KATNIP: variants seen among roughly 807,000 people sequenced by gnomAD.
KATNIP encodes the protein katanin interacting protein.
A neutral mutation model predicts 174.0 loss-of-function variants in KATNIP; 126 were observed. The observed-to-expected ratio is 0.72, with a 90% CI of 0.63 to 0.84. KATNIP has a LOEUF of 0.84. Ranked by LOEUF, KATNIP falls within the 40% of genes least tolerant of loss-of-function variation. The probability of loss-of-function intolerance (pLI) is 0.00; values close to 1 mark genes in which losing one functional copy is unlikely to be tolerated. For synonymous variants in KATNIP, 810 were observed against 835.7 expected, an observed-to-expected ratio of 0.97 and a Z score of 0.53; for missense variants, 1,958 against 2,109.7, an observed-to-expected ratio of 0.93 and a Z score of 1.41.
chr16:27,736,222 C>T (rs1456936381), intron 14 of KATNIP, among the ~76,000 whole-genome samples: 1 of 152,076 alleles, frequency 6.6e-6, no homozygotes, highest in African/African-American at 2.4e-5. Flanking sequence ...AGACTGGTCT[C>T]GAACTCCTGA....
chr16:27,683,881 C>G (rs1348654844), intron 8 of KATNIP, among the ~76,000 whole-genome samples: 1 of 152,108 alleles, frequency 6.6e-6, no homozygotes, highest in African/African-American at 2.4e-5. Context: ...TCTTCACTAT[C>G]TGAACCAATC....
chr16:27,604,858 G>A (rs1227187817), intron 2 of KATNIP, among the ~76,000 whole-genome samples: 1 of 152,154 alleles, frequency 6.6e-6, no homozygotes, highest in Non-Finnish European at 1.5e-5. Flanking sequence ...CTTCTGGCAA[G>A]CAATAATTAT....
chr16:27,622,033 C>T (rs772010968), intron 3 of KATNIP, among the ~76,000 whole-genome samples: 14 of 152,088 alleles, frequency 9.2e-5, no homozygotes, highest in Non-Finnish European at 1.8e-4. Context: ...GTCTACTGGC[C>T]GTTCCTTGGC....
intron 6 of KATNIP, among the ~76,000 whole-genome samples, chr16:27,665,802 T>C (rs1327264498): frequency 3.3e-5 from 5 of 151,996 alleles, no homozygotes; most frequent in African/African-American, 4.8e-5. Flanking sequence ...GGTTTCACCA[T>C]GTTGGCCGGG....
intron 2 of KATNIP, among the ~76,000 whole-genome samples, chr16:27,587,893 C>G (rs1225797497): frequency 6.7e-6 from 1 of 149,638 alleles, no homozygotes; most frequent in East Asian, 2.0e-4. Context: ...TTTCCCTTTT[C>G]CCTTTCCTTT....
intron 1 of KATNIP, among the ~76,000 whole-genome samples, chr16:27,573,638 G>C (rs2090382458): frequency 6.6e-6 from 1 of 152,196 alleles, no homozygotes; most frequent in Admixed American, 6.5e-5. Flanking sequence ...CCCTTTCAGA[G>C]TACAGATAAT....
chr16:27,683,416 G>A (rs943112965), intron 8 of KATNIP, among the ~76,000 whole-genome samples: 1 of 152,194 alleles, frequency 6.6e-6, no homozygotes, highest in African/African-American at 2.4e-5. Flanking sequence ...GTGGGGCAGA[G>A]CTATCCCCAA....
intron 2 of KATNIP, among the ~76,000 whole-genome samples, chr16:27,577,293 G>A (rs879658576): frequency 3.9e-5 from 6 of 152,318 alleles, no homozygotes; most frequent in African/African-American, 1.2e-4. Context: ...TGTTATCCCA[G>A]CACTTTGGGA....
chr16:27,632,572 A>C, intron 5 of KATNIP: 1 of 454,644 alleles, frequency 2.2e-6, no homozygotes, highest in Non-Finnish European at 4.4e-6. Context: ...CTCACTGTGC[A>C]TCCTCTATAG....
At position 27,721,993 on chromosome 16, in the gene KATNIP, G is replaced by A. The variant is rs767038010; in HGVS notation, c.1743+298G>A. ...CAGACACAGAGAGGTTATGTAACTT[G>A]CCCCAAGTCACAGCCAGTCAGTGTC... On this transcript the variant is annotated intron_variant, in intron 14 of 27. Transcript: ENST00000261588. Among the ~76,000 whole-genome samples the A allele has an allele frequency of 3.2e-4, 48 of 152,168 alleles. 1 individual carries two copies. The highest frequency in any genetic ancestry group is 6.2e-4 in the Non-Finnish European group (42 of 68,020).
chr16:27,738,862 G>A (rs1163644426), intron 14 of KATNIP, among the ~76,000 whole-genome samples: 9 of 152,184 alleles, frequency 5.9e-5, no homozygotes, highest in East Asian at 1.9e-4. Context: ...GTGCTCTGCC[G>A]TGGGAGCACA....
intron 14 of KATNIP, among the ~76,000 whole-genome samples, chr16:27,726,407 G>A (rs762171068): frequency 1.1e-4 from 17 of 152,300 alleles, no homozygotes; most frequent in Non-Finnish European, 2.4e-4. Flanking sequence ...ACTAGACACA[G>A]GTGGCTGTTG....
intron 13 of KATNIP, among the ~76,000 whole-genome samples, chr16:27,716,004 G>A (rs1383595354): frequency 3.3e-5 from 5 of 151,778 alleles, no homozygotes; most frequent in Non-Finnish European, 7.4e-5. Flanking sequence ...GTACATGCAT[G>A]TTCATAGCAG....
chr16:27,576,202 T>C (rs1045792670), intron 2 of KATNIP, among the ~76,000 whole-genome samples: 18 of 152,186 alleles, frequency 1.2e-4, no homozygotes, highest in Non-Finnish European at 1.3e-4. Flanking sequence ...TGTCTCTCTC[T>C]AGCTACGGGA....
chr16:27,740,465 G>A lies in KATNIP; in HGVS notation c.2168G>A (p.Cys723Tyr). ...CCTGCCACTTCCCCACCTGTGAAGT[G>A]CCCTCCTGTCCATGAGGAGCCCTCT... ...SAPATSPPVK[C>Y]PPVHEEPSLI... Residue 723 changes from cysteine to tyrosine, a missense_variant, in exon 15 of 28, where the codon TGC (cysteine) becomes TAC (tyrosine). Around this residue, in one of 3 missense-constraint regions of KATNIP, gnomAD observed 1,557 missense variants for 1,617.8 expected, o/e 0.96. Coordinates refer to ENST00000261588, the MANE Select transcript of KATNIP (RefSeq NM_015202.5). 6.2e-7 allele frequency: 1 copy of A among 1,614,072 alleles called. No individual in the cohort carries two copies. Among genetic ancestry groups the A allele is most frequent in the African/African-American group, 1.3e-5 (1 of 75,060 alleles).
intron 5 of KATNIP, among the ~76,000 whole-genome samples, chr16:27,639,263 A>G (rs1473823006): frequency 6.6e-6 from 1 of 152,138 alleles, no homozygotes; most frequent in Non-Finnish European, 1.5e-5. Flanking sequence ...GGGGAGGATC[A>G]TGGCGATGGC....
intron 14 of KATNIP, among the ~76,000 whole-genome samples, chr16:27,722,629 C>T (rs920924242): frequency 1.3e-5 from 2 of 152,176 alleles, no homozygotes; most frequent in African/African-American, 4.8e-5. Context: ...GGGAAGCGAT[C>T]GTTCAAGTGA....
intron 1 of KATNIP, 68 bp downstream of exon 1, chr16:27,550,245 G>A (rs1402663185): frequency 1.3e-6 from 2 of 1,564,234 alleles, no homozygotes; most frequent in African/African-American, 1.4e-5. Context: ...CCGCGCTTTG[G>A]GCAGAATCCT....
intron 13 of KATNIP, among the ~76,000 whole-genome samples, chr16:27,712,710 C>T (rs997740426): frequency 6.6e-6 from 1 of 152,214 alleles, no homozygotes; most frequent in Non-Finnish European, 1.5e-5. Flanking sequence ...CAGATTTATA[C>T]ACCCAGCCCT....
Sources: allele counts gnomAD v4.1 joint callset (sites outside exome capture counted in the v4.1 genomes callset), GRCh38; gene constraint gnomAD v4.1.1; regional missense constraint gnomAD v4.1.1; transcripts MANE v1.5; gene names NCBI Gene and HGNC (gene_info 2026-07-23, HGNC 2026-07-21).